Variants in EDIL3 observed in about 807,000 individuals in gnomAD.
EDIL3 encodes EGF-like repeat and discoidin I-like domain-containing protein 3.
EDIL3 carries 37 observed loss-of-function variants against 67.4 expected under a neutral mutation model. The observed-to-expected ratio is 0.55, with a 90% confidence interval of 0.42 to 0.72. EDIL3 has a LOEUF of 0.72. Among genes scored for constraint, EDIL3 ranks in the 30% least tolerant of loss-of-function variants. The pLI is 0.00. For missense variants in EDIL3, 527 were observed against 586.3 expected (o/e 0.90, Z 1.04); for synonymous variants, 195 against 196.3 (o/e 0.99, Z 0.05).
chr5:83,991,630 G>A (rs1745153170), intron 9 of EDIL3, among the ~76,000 whole-genome samples: 1 of 152,160 alleles, frequency 6.6e-6, no homozygotes, highest in Non-Finnish European at 1.5e-5. Context: ...AACATAGTAA[G>A]TATCGTGGCG....
chr5:84,353,712 C>G (rs1747411942), intron 1 of EDIL3, among the ~76,000 whole-genome samples: 1 of 152,190 alleles, frequency 6.6e-6, no homozygotes, highest in Admixed American at 6.5e-5. Context: ...AGTCTGACAG[C>G]ACATACCTAC....
At chr5:84,136,954 T>C (rs1050712624) in intron 5 of EDIL3, among the ~76,000 whole-genome samples, 6 of 152,088 alleles carry the variant, frequency 3.9e-5, no homozygotes, top group African/African-American at 1.4e-4. Flanking sequence ...GAGGAAATGT[T>C]ATCATTCTTT....
At chr5:84,031,637 T>C (rs1357609639) in intron 9 of EDIL3, among the ~76,000 whole-genome samples, 6 of 152,328 alleles carry the variant, frequency 3.9e-5, no homozygotes, top group African/African-American at 4.8e-5. Flanking sequence ...ATCAAGAAGA[T>C]GGTCATCTAG....
intron 9 of EDIL3, among the ~76,000 whole-genome samples, chr5:84,021,741 T>C (rs1383397163): frequency 6.6e-6 from 1 of 151,900 alleles, no homozygotes; most frequent in Non-Finnish European, 1.5e-5. Context: ...TAAACAGAAA[T>C]ACAAAAGATC....
At chr5:84,075,088 C>G (rs893136392) in intron 6 of EDIL3, among the ~76,000 whole-genome samples, 25 of 151,976 alleles carry the variant, frequency 1.6e-4, no homozygotes, top group African/African-American at 5.8e-4. Context: ...TCTCAGCAAA[C>G]TATCGCAAGG....
chr5:84,027,300 T>C (rs1417188990), intron 9 of EDIL3, among the ~76,000 whole-genome samples: 1 of 152,192 alleles, frequency 6.6e-6, no homozygotes, highest in East Asian at 1.9e-4. Context: ...CTATATCTCA[T>C]TCATGTTTAT....
At chr5:84,078,054 G>A (rs987761272) in intron 6 of EDIL3, among the ~76,000 whole-genome samples, 5 of 152,156 alleles carry the variant, frequency 3.3e-5, no homozygotes, top group Admixed American at 3.3e-4. Flanking sequence ...AAGTATTGGT[G>A]AAGTATTCTG....
rs188509280 is a variant in EDIL3, at chr5:84,277,609, A to C, written c.68-23397T>G. On this transcript the variant is annotated intron_variant, in intron 1 of 10. Coordinates refer to ENST00000296591, the MANE Select transcript of EDIL3 (RefSeq NM_005711.5). ...GCCTAACATTTATAAGACATAATTC[A>C]GTATGAGTGCCATAACTTTTCATTG... is the stretch of plus-strand genomic sequence containing the variant. Among the ~76,000 whole-genome samples, 9 of 152,336 alleles carry C rather than the reference A, an allele frequency of 5.9e-5. No homozygotes were observed. In the East Asian group the frequency reaches 1.5e-3, roughly 26 times the overall value.
chr5:84,093,844 G>A (rs1033734741), intron 6 of EDIL3, among the ~76,000 whole-genome samples: 9 of 151,884 alleles, frequency 5.9e-5, no homozygotes, highest in African/African-American at 2.2e-4. Context: ...ATTTTTAGTA[G>A]AGACGGGGTT....
At chr5:84,238,139 G>A (rs1381966664) in intron 2 of EDIL3, among the ~76,000 whole-genome samples, 1 of 151,978 alleles carries the variant, frequency 6.6e-6, no homozygotes, top group African/African-American at 2.4e-5. Flanking sequence ...GTAGAATCTT[G>A]GCAAACGGTG....
intron 4 of EDIL3, among the ~76,000 whole-genome samples, chr5:84,149,880 C>T (rs1485103627): frequency 1.3e-5 from 2 of 151,644 alleles, no homozygotes; most frequent in African/African-American, 2.4e-5. Flanking sequence ...AAATTTTAGA[C>T]GTTTTAAGAC....
intron 3 of EDIL3, among the ~76,000 whole-genome samples, chr5:84,182,781 A>G (rs1224005974): frequency 1.3e-5 from 2 of 150,958 alleles, no homozygotes; most frequent in African/African-American, 4.9e-5. Context: ...TGATTTTCAA[A>G]AAGTAAAAAG....
intron 4 of EDIL3, among the ~76,000 whole-genome samples, chr5:84,147,498 T>C (rs1748309048): frequency 6.6e-6 from 1 of 152,108 alleles, no homozygotes; most frequent in Non-Finnish European, 1.5e-5. Context: ...AAGGTGGTTA[T>C]GCCAATTTGC....
In EDIL3 at chr5:84,366,246, C is replaced by T. The variant is rs374552212; in HGVS notation, c.67+18062G>A. On this transcript the variant is annotated intron_variant, in intron 1 of 10. Transcript: ENST00000296591. Reference sequence around the variant, plus strand: ...GGAGATACTATACTGTCGCCACCAGCACCACCACCACCGTCACCATCACCA... The same window carrying T: ...GGAGATACTATACTGTCGCCACCAGTACCACCACCACCGTCACCATCACCA... 2.0e-5 allele frequency among the ~76,000 whole-genome samples: 3 copies of T among 152,230 alleles called. No homozygotes were observed. In the East Asian group the frequency reaches 5.8e-4, roughly 29 times the overall value.
chr5:84,106,892 C>G, intron 5 of EDIL3, 62 bp from the exon 6 acceptor site: 1 of 1,479,656 alleles, frequency 6.8e-7, no homozygotes, highest in Non-Finnish European at 9.0e-7. Flanking sequence ...CAACATGTGT[C>G]TGTTCGATTT....
intron 9 of EDIL3, among the ~76,000 whole-genome samples, chr5:84,015,652 G>A (rs1014454381): frequency 1.3e-5 from 2 of 151,524 alleles, no homozygotes; most frequent in South Asian, 2.1e-4. Flanking sequence ...GATATAACAA[G>A]AGTGTGTTAT....
chr5:84,243,745 C>A (rs773038009), intron 2 of EDIL3, among the ~76,000 whole-genome samples: 3 of 152,138 alleles, frequency 2.0e-5, no homozygotes, highest in Non-Finnish European at 2.9e-5. Flanking sequence ...CCCTATTTTT[C>A]TTTCCAGGCC....
intron 3 of EDIL3, among the ~76,000 whole-genome samples, chr5:84,221,055 G>A (rs990263652): frequency 7.9e-5 from 12 of 152,040 alleles, no homozygotes; most frequent in Admixed American, 3.3e-4. Flanking sequence ...ATATTTAAAT[G>A]ATATTTAATC....
At position 84,229,852 on chromosome 5, in the gene EDIL3, T is replaced by C; in HGVS notation, c.226+3A>G. ...AATTATGTTTACAACATAGGAACTTTACCTGCTGAAGTTGGTTCTTCTTCA... is the reference window on the plus strand; with the variant it reads ...AATTATGTTTACAACATAGGAACTTCACCTGCTGAAGTTGGTTCTTCTTCA... On this transcript the variant is annotated splice_donor_region_variant and intron_variant, in intron 3 of 10. Coordinates refer to ENST00000296591, the MANE Select transcript of EDIL3 (RefSeq NM_005711.5). The C allele has an allele frequency of 6.2e-7, 1 of 1,605,412 alleles. No individual in the cohort carries two copies. Among genetic ancestry groups the C allele is most frequent in the Non-Finnish European group, 8.5e-7 (1 of 1,174,980 alleles).
Sources: allele counts gnomAD v4.1 joint callset (sites outside exome capture counted in the v4.1 genomes callset), GRCh38; gene constraint gnomAD v4.1.1; transcripts MANE v1.5; gene names NCBI Gene and HGNC (gene_info 2026-07-23, HGNC 2026-07-21).